The following ALKBH8 variants were observed in gnomAD, a reference collection of about 807,000 sequenced individuals.
ALKBH8 encodes tRNA (carboxymethyluridine(34)-5-O)-methyltransferase ALKBH8.
A neutral mutation model predicts 59.8 loss-of-function variants in ALKBH8; 36 were observed. The ratio of observed to expected loss-of-function variants is 0.60; its 90% CI spans 0.46 to 0.79. The LOEUF is 0.79. ALKBH8 is among the 30% of genes least tolerant of loss of function. The probability of loss-of-function intolerance (pLI) is 0.00; values close to 1 mark genes in which losing one functional copy is unlikely to be tolerated. For missense variants in ALKBH8, 768 were observed against 801.0 expected (o/e 0.96, Z 0.50); for synonymous variants, 276 against 273.6 (o/e 1.01, Z -0.09).
At chr11:107,520,350 A>C (rs185672524) in intron 10 of ALKBH8, among the ~76,000 whole-genome samples, 1 of 152,296 alleles carries the variant, frequency 6.6e-6, no homozygotes, top group East Asian at 1.9e-4. Flanking sequence ...AATCCTTCCA[A>C]ATATATTCCC....
At chr11:107,556,127 A>T (rs1330039621) in intron 3 of ALKBH8, among the ~76,000 whole-genome samples, 1 of 152,092 alleles carries the variant, frequency 6.6e-6, no homozygotes, top group Non-Finnish European at 1.5e-5. Context: ...AAAATACAAA[A>T]ATTAGCCAGG....
intron 2 of ALKBH8, among the ~76,000 whole-genome samples, chr11:107,558,467 AC>A (rs547840300): frequency 7.7e-4 from 117 of 152,276 alleles, no homozygotes; most frequent in African/African-American, 2.6e-3. Context: ...AGTTGCAAAA[AC>A]ATTCCCATAT....
At chr11:107,546,750 C>T (rs969064720) in intron 7 of ALKBH8, among the ~76,000 whole-genome samples, 20 of 151,788 alleles carry the variant, frequency 1.3e-4, no homozygotes, top group Admixed American at 1.3e-3. Context: ...GGTACAAAAG[C>T]CTTAAAGAAA....
chr11:107,550,601 A>G (rs182334903), intron 6 of ALKBH8, among the ~76,000 whole-genome samples: 160 of 152,346 alleles, frequency 1.1e-3, no homozygotes, highest in African/African-American at 3.7e-3. Flanking sequence ...TGCTAGAGAC[A>G]AGGTCAGCAT....
chr11:107,556,201 C>T (rs1458492641), intron 3 of ALKBH8, among the ~76,000 whole-genome samples: 2 of 152,078 alleles, frequency 1.3e-5, no homozygotes, highest in African/African-American at 4.8e-5. Flanking sequence ...TTGCTTGAAC[C>T]CGGGAGGTGG....
intron 7 of ALKBH8, 149 bp downstream of exon 7, chr11:107,549,604 G>A (rs528078062): frequency 2.1e-6 from 1 of 482,172 alleles, no homozygotes; most frequent in African/African-American, 2.0e-5. Flanking sequence ...AAAAGAAGAG[G>A]ACATTTAAAA....
rs61748874 is a variant in ALKBH8 at position 107,504,941 on chromosome 11, C to T, written c.1712G>A (p.Arg571Lys). Residue 571 changes from arginine (R) to lysine (K), a missense_variant, in exon 12 of 12, where the codon AGG (arginine) becomes AAG (lysine). Arg to Lys is a conservative substitution (Grantham distance 26, BLOSUM62 2). Coordinates refer to ENST00000428149, the MANE Select transcript of ALKBH8 (RefSeq NM_138775.3). ...NDSQEGGCNS[R>K]QVSNSKLPVH... is the part of the protein sequence containing the mutation. ...AGGCAGCTTGGAATTAGAAACTTGC[C>T]TTGAATTACATCCTCCTTCCTGAGA... 1,586 of 1,551,850 alleles carry T rather than the reference C, an allele frequency of 1.0e-3. 13 individuals are homozygous for T. In the African/African-American group the frequency reaches 0.019, roughly 19 times the overall value.
chr11:107,540,665 C>G (rs1324968005), intron 7 of ALKBH8, among the ~76,000 whole-genome samples: 1 of 152,114 alleles, frequency 6.6e-6, no homozygotes. Context: ...CACTTATATA[C>G]CATGGCTTCA....
At chr11:107,543,655 A>C (rs183615232) in intron 7 of ALKBH8, among the ~76,000 whole-genome samples, 193 of 152,180 alleles carry the variant, frequency 1.3e-3, no homozygotes, top group South Asian at 9.5e-3. Flanking sequence ...TATCATTGTA[A>C]TTATTTTATT....
At position 107,563,119 on chromosome 11, in the gene ALKBH8, T is replaced by C. The variant is rs534835430; in HGVS notation, c.-6-2220A>G. On this transcript the variant is annotated intron_variant, in intron 1 of 11. Transcript: ENST00000428149. ...AGAGTTGCAATGTCTGGCTGGCAAGTGACAAAATAAAGTGGCTCCTAGGAA... is the reference window on the plus strand; with the variant it reads ...AGAGTTGCAATGTCTGGCTGGCAAGCGACAAAATAAAGTGGCTCCTAGGAA... Among the ~76,000 whole-genome samples, 7 of 152,246 alleles carry C rather than the reference T, an allele frequency of 4.6e-5. No individual in the cohort carries two copies. The South Asian group carries it at 1.5e-3, about 32-fold the overall frequency.
intron 7 of ALKBH8, among the ~76,000 whole-genome samples, chr11:107,538,923 A>G (rs1442998865): frequency 6.6e-6 from 1 of 152,222 alleles, no homozygotes; most frequent in Non-Finnish European, 1.5e-5. Context: ...TGATTCATAG[A>G]GAATGATAAA....
intron 7 of ALKBH8, among the ~76,000 whole-genome samples, chr11:107,540,178 G>T (rs1056731666): frequency 6.6e-6 from 1 of 152,226 alleles, no homozygotes; most frequent in Non-Finnish European, 1.5e-5. Flanking sequence ...ATCTGGGAAT[G>T]TGCCTGCAGT....
At position 107,503,483 on chromosome 11, in the gene ALKBH8, C is replaced by T. The variant is rs573450795; in HGVS notation, c.*1175G>A. 8.5e-5 allele frequency: 13 copies of T among 152,110 alleles called. No homozygotes were observed. The South Asian group carries it at 2.7e-3, about 32-fold the overall frequency. 9.4% of individuals were successfully genotyped at this position (152,110 alleles called of 1,614,324 possible). A position where few individuals can be genotyped will look rare whatever the true frequency, so the allele number is the denominator to read the frequency against. On this transcript the variant is annotated 3_prime_UTR_variant, in exon 12 of 12. Coordinates refer to ENST00000428149, the MANE Select transcript of ALKBH8 (RefSeq NM_138775.3). Reference sequence around the variant, plus strand: ...TAATGCATACTGGGAGTAAAGTGTTCAAAAAATTTTTTCTTTGAAAAAAAG... The same window carrying T: ...TAATGCATACTGGGAGTAAAGTGTTTAAAAAATTTTTTCTTTGAAAAAAAG...
rs538920827 is a variant in ALKBH8 at position 107,539,415 on chromosome 11, C to A, written c.772-7009G>T. On this transcript the variant is annotated intron_variant, in intron 7 of 11. Coordinates refer to ENST00000428149, the MANE Select transcript of ALKBH8 (RefSeq NM_138775.3). Reference sequence around the variant, plus strand: ...AGGAGTTTGAGACCAGCCTGGCCAACATGGTGAAACCCCGTTTCTACTAGA... The same window carrying A: ...AGGAGTTTGAGACCAGCCTGGCCAAAATGGTGAAACCCCGTTTCTACTAGA... Among the ~76,000 whole-genome samples, 6 of 152,234 alleles carry A rather than the reference C, an allele frequency of 3.9e-5. No individual in the cohort carries two copies. In the East Asian group the frequency reaches 7.7e-4, roughly 20 times the overall value.
intron 7 of ALKBH8, 113 bp downstream of exon 7, chr11:107,549,635 GCCCTT>G: frequency 1.4e-6 from 1 of 690,358 alleles, no homozygotes; most frequent in Middle Eastern, 2.6e-4. Flanking sequence ...TGCTAATGGT[GCCCTT>G]ATTTTTCATT....
At chr11:107,508,912 A>C (rs943092347) in intron 11 of ALKBH8, among the ~76,000 whole-genome samples, 1 of 152,188 alleles carries the variant, frequency 6.6e-6, no homozygotes, top group Admixed American at 6.5e-5. Flanking sequence ...TTCATCCATT[A>C]ATGAACATTT....
intron 10 of ALKBH8, 128 bp from the exon 11 acceptor site, chr11:107,511,164 TGA>T: frequency 1.1e-6 from 1 of 946,622 alleles, no homozygotes; most frequent in Non-Finnish European, 1.6e-6. Context: ...TCTGAGACCA[TGA>T]TACTATCGGT....
intron 10 of ALKBH8, among the ~76,000 whole-genome samples, chr11:107,515,728 A>C (rs1184475430): frequency 6.6e-6 from 1 of 152,078 alleles, no homozygotes; most frequent in Non-Finnish European, 1.5e-5. Flanking sequence ...AAGTAAACAT[A>C]AAAAAAATTC....
At chr11:107,505,280 AC>A in intron 11 of ALKBH8, 65 bp from the exon 12 acceptor site, 1 of 1,243,962 alleles carries the variant, frequency 8.0e-7, no homozygotes, top group Non-Finnish European at 1.1e-6. Context: ...AATAAAACTG[AC>A]CATAGGACTG....
Sources: gnomAD v4.1 joint callset for allele counts (sites outside exome capture counted in the v4.1 genomes callset) on GRCh38, gnomAD v4.1.1 for gene constraint, MANE v1.5 for transcripts, NCBI Gene and HGNC (gene_info 2026-07-23, HGNC 2026-07-21) for gene names.